Variants in ZNF891 observed in about 807,000 individuals in gnomAD.
ZNF891 encodes zinc finger protein 891.
For synonymous variants in ZNF891, 199 were observed against 209.0 expected (o/e 0.95, Z 0.41); for missense variants, 589 against 632.7 (o/e 0.93, Z 0.74).
intron 1 of ZNF891, 69 bp from the exon 2 acceptor site, chr12:133,122,093 G>A (rs1955769170): frequency 7.2e-7 from 1 of 1,387,768 alleles, no homozygotes; most frequent in Non-Finnish European, 9.3e-7. Flanking sequence ...GGGGAAAGGT[G>A]AATACAAAAT....
At position 133,120,962 on chromosome 12, in the gene ZNF891, TTTC is replaced by T. The variant is rs1417581281; in HGVS notation, c.954_956del (p.Lys319del). 1 of 1,535,904 alleles carries T rather than the reference TTTC, an allele frequency of 6.5e-7. No individual in the cohort carries two copies. Among genetic ancestry groups the T allele is most frequent in the African/African-American group, 1.4e-5 (1 of 73,178 alleles). ...CTTTTCCACATTGATTGCATTCATGTTTCTTTTCAGTATGAGTTTGTCCTTGTT... is the reference window on the plus strand; with the variant it reads ...CTTTTCCACATTGATTGCATTCATGTTTTTCAGTATGAGTTTGTCCTTGTT... On this transcript the variant is annotated inframe_deletion, in exon 2 of 2. Transcript: ENST00000537226.
At position 133,120,620 on chromosome 12, in the gene ZNF891, T is replaced by C; in HGVS notation, c.1299A>G (p.Glu433=). ...TGAAGGCTTTTCCACACTCACTGCA[T>C]TCATAGAGTTTTTCTCCAGTGTGTA... The part of the protein sequence containing the change: ...KRIHTGEKLY[E]CSECGKAFNT... Residue 433 remains glutamate (E), a synonymous_variant, in exon 2 of 2, where the codon GAA becomes GAG. Coordinates refer to ENST00000537226, the MANE Select transcript of ZNF891 (RefSeq NM_001277291.2). The C allele has an allele frequency of 6.4e-7, 1 of 1,560,212 alleles. No homozygotes were observed.
intron 1 of ZNF891, among the ~76,000 whole-genome samples, chr12:133,126,576 C>T (rs571963867): frequency 4.0e-4 from 60 of 150,924 alleles, no homozygotes; most frequent in African/African-American, 1.2e-3. Flanking sequence ...CTTTGGGAGC[C>T]GAGGTAGGCG....
Position 133,120,436 on chromosome 12 carries a change from T to C in ZNF891, c.1483A>G (p.Lys495Glu). Residue 495 changes from lysine to glutamate, a missense_variant, in exon 2 of 2, where the codon AAA (lysine) becomes GAA (glutamate). Physicochemically the swap from Lys to Glu is moderately conservative, Grantham distance 56. Coordinates refer to ENST00000537226, the MANE Select transcript of ZNF891 (RefSeq NM_001277291.2). ...AGGGAAGAGGAAACACTGAAGGCTT[T>C]CCTACATTCCTTACATTCATAGGGT... is the stretch of plus-strand genomic sequence containing the variant. ...EKPYECKECRKAFSVSSSLRR... is the reference protein window; with the variant it reads ...EKPYECKECREAFSVSSSLRR... 6.2e-7 allele frequency: 1 copy of C among 1,605,174 alleles called. No homozygotes were observed.
chr12:133,129,736 G>A (rs1955856444), intron 1 of ZNF891, among the ~76,000 whole-genome samples: 1 of 152,090 alleles, frequency 6.6e-6, no homozygotes, highest in Admixed American at 6.5e-5. Context: ...TGTGAGCATA[G>A]GTGAAGTCAA....
At chr12:133,127,016 G>A (rs1955824936) in intron 1 of ZNF891, among the ~76,000 whole-genome samples, 1 of 140,254 alleles carries the variant, frequency 7.1e-6, no homozygotes, top group Admixed American at 7.4e-5. Flanking sequence ...CCAAGCTGGA[G>A]TGCAGTGGCA....
chr12:133,115,146 C>G lies in ZNF891; in HGVS notation c.*5138G>C, dbSNP rs1955708307. On this transcript the variant is annotated 3_prime_UTR_variant, in exon 2 of 2. Coordinates refer to ENST00000537226, the MANE Select transcript of ZNF891 (RefSeq NM_001277291.2). ...GGGGGCGATGGCCTCACAATCCCAA[C>G]AATTTGGGAGGCTGAGGCAGGCGGA... 1 of 152,034 alleles carries G rather than the reference C, an allele frequency of 6.6e-6. No homozygotes were observed. The highest frequency in any genetic ancestry group is 2.4e-5 in the African/African-American group (1 of 41,398). The allele number at this position is 152,034 out of a possible 1,614,324, so 9.4% of individuals were successfully genotyped here. A position where few individuals can be genotyped will look rare whatever the true frequency, so the allele number is the denominator to read the frequency against.
Position 133,120,315 on chromosome 12 carries a change from T to G in ZNF891, c.1604A>C (p.Lys535Thr). 1 of 1,550,306 alleles carries G rather than the reference T, an allele frequency of 6.5e-7. No individual in the cohort carries two copies. Among genetic ancestry groups the G allele is most frequent in the Non-Finnish European group, 8.7e-7 (1 of 1,151,002 alleles). Residue 535 changes from lysine to threonine, a missense_variant, in exon 2 of 2, where the codon AAG becomes ACG. Physicochemically the swap from Lys to Thr is moderately conservative, Grantham distance 78 (BLOSUM62 -1). Transcript: ENST00000537226. ...GGTTTCTCTCTCAGTATGAATTCTC[T>G]TGTGTATAATAAGTGAAGAGCTCTG... is the stretch of plus-strand genomic sequence containing the variant. ...FSQSSSLIIH[K>T]RIHTERETL
At position 133,121,899 on chromosome 12, in the gene ZNF891, G is replaced by C. The variant is rs539429590; in HGVS notation, c.20C>G (p.Ser7Cys). MAVMDL[S>C]SPWALTKQDS... is the part of the protein sequence containing the mutation. ...CTGTTTAGTTAAAGCCCATGGGGAG[G>C]ATAGGTCCATAACTGCCATTTTATG... is the stretch of plus-strand genomic sequence containing the variant. The change falls in exon 2 of 2, where the codon TCC (serine) becomes TGC (cysteine). Residue 7 changes from serine (S) to cysteine (C), a missense_variant. Ser to Cys is a moderately radical substitution (Grantham distance 112). Transcript: ENST00000537226. The C allele has an allele frequency of 1.2e-5, 19 of 1,535,206 alleles. No individual in the cohort carries two copies. The highest frequency in any genetic ancestry group is 9.8e-5 in the Admixed American group (5 of 50,970).
Position 133,112,308 on chromosome 12 carries a change from A to G in ZNF891, c.*7976T>C, listed in dbSNP as rs1052282297. ...AACTTCGTATTTCAAGTTAAATGTTATTTTCTCATGGAGACCTTCTTTTTT... is the reference window on the plus strand; with the variant it reads ...AACTTCGTATTTCAAGTTAAATGTTGTTTTCTCATGGAGACCTTCTTTTTT... On this transcript the variant is annotated 3_prime_UTR_variant, in exon 2 of 2. Coordinates refer to ENST00000537226, the MANE Select transcript of ZNF891 (RefSeq NM_001277291.2). 4 of 148,348 alleles carry G rather than the reference A, an allele frequency of 2.7e-5. No homozygotes were observed. Among genetic ancestry groups the G allele is most frequent in the African/African-American group, 1.0e-4 (4 of 40,134 alleles). The allele number at this position is 148,348 out of a possible 1,614,324, so 9.2% of individuals were successfully genotyped here.
At chr12:133,126,969 CTTTTTTTTT>C (rs543463648) in intron 1 of ZNF891, among the ~76,000 whole-genome samples, 14 of 88,674 alleles carry the variant, frequency 1.6e-4, no homozygotes, top group Non-Finnish European at 2.3e-4. Context: ...TACAGGAAAA[CTTTTTTTTT>C]TTTTTTTTTT....
At chr12:133,122,171 G>A in intron 1 of ZNF891, 147 bp from the exon 2 acceptor site, 1 of 1,215,346 alleles carries the variant, frequency 8.2e-7, no homozygotes, top group Non-Finnish European at 1.0e-6. Flanking sequence ...GATTTGTACT[G>A]ACATGCAATA....
At chr12:133,123,124 A>G (rs1313569929) in intron 1 of ZNF891, among the ~76,000 whole-genome samples, 2 of 152,212 alleles carry the variant, frequency 1.3e-5, no homozygotes, top group African/African-American at 2.4e-5. Context: ...CTGTACATCA[A>G]TAGAACTCAG....
chr12:133,121,542 A>C lies in ZNF891; in HGVS notation c.377T>G (p.Val126Gly). 6.5e-7 allele frequency: 1 copy of C among 1,536,448 alleles called. No homozygotes were observed. Among genetic ancestry groups the C allele is most frequent in the Non-Finnish European group, 8.7e-7 (1 of 1,146,976 alleles). Residue 126 changes from valine to glycine, a missense_variant, in exon 2 of 2, where the codon GTG becomes GGG. Transcript: ENST00000537226. ...KIQPKTKEST[V>G]QKILWEEPSN... ...TGGTTCCTCCCACAAAATTTTCTGC[A>C]CAGTTGATTCTTTGGTTTTAGGTTG...
rs903320352 is a variant in ZNF891 at position 133,120,936 on chromosome 12, G to A, written c.983C>T (p.Ala328Val). The A allele has an allele frequency of 2.6e-6, 4 of 1,536,216 alleles. No individual in the cohort carries two copies. In the Admixed American group the frequency reaches 5.9e-5, roughly 23 times the overall value. Residue 328 changes from alanine to valine, a missense_variant, in exon 2 of 2, where the codon GCC (alanine) becomes GTC (valine). Transcript: ENST00000537226. ...KKHECNQCGK[A>V]FKRISNLTLY... is the part of the protein sequence containing the mutation. ...AGTAAGATTAGAAATCCTTTTGAAG[G>A]CTTTTCCACATTGATTGCATTCATG...
chr12:133,120,725 G>T lies in ZNF891; in HGVS notation c.1194C>A (p.His398Gln). Reference sequence around the variant, plus strand: ...TACATTCATAAGGTTTCTCTCCAGTGTGAGTTCTCATGTGAGCCTTAAGGG... The same window carrying T: ...TACATTCATAAGGTTTCTCTCCAGTTTGAGTTCTCATGTGAGCCTTAAGGG... ...KTSLKAHMRT[H>Q]TGEKPYECNQ... The change falls in exon 2 of 2, where the codon CAC becomes CAA. Residue 398 changes from histidine to glutamine, a missense_variant. By Grantham distance (24) the His-to-Gln change is conservative (BLOSUM62 0). Transcript: ENST00000537226. 6.4e-7 allele frequency: 1 copy of T among 1,567,614 alleles called. No homozygotes were observed. Among genetic ancestry groups the T allele is most frequent in the Non-Finnish European group, 8.6e-7 (1 of 1,157,058 alleles).
chr12:133,105,588 T>C lies in ZNF891; in HGVS notation c.*14696A>G, dbSNP rs1276923020. 6.2e-7 allele frequency: 1 copy of C among 1,614,190 alleles called. No homozygotes were observed. The highest frequency in any genetic ancestry group is 2.2e-5 in the East Asian group (1 of 44,880). On this transcript the variant is annotated 3_prime_UTR_variant, in exon 2 of 2. Coordinates refer to ENST00000537226, the MANE Select transcript of ZNF891 (RefSeq NM_001277291.2). ...GATGACTCATCCCAGTATTTGATCA[T>C]GGAAAGAATTCTAAGTCAAGGCCCT... is the stretch of plus-strand genomic sequence containing the variant.
rs1955649369 is a variant in ZNF891 at position 133,107,969 on chromosome 12, A to C, written c.*12315T>G. Reference sequence around the variant, plus strand: ...TTTTGTAAGAGGTGAAATTTATAAAAGTTTTAGCCCAAAAACACCTTATTT... The same window carrying C: ...TTTTGTAAGAGGTGAAATTTATAAACGTTTTAGCCCAAAAACACCTTATTT... On this transcript the variant is annotated 3_prime_UTR_variant, in exon 2 of 2. Transcript: ENST00000537226. The C allele has an allele frequency of 1.3e-5, 2 of 152,218 alleles. No individual in the cohort carries two copies. The highest frequency in any genetic ancestry group is 2.9e-5 in the Non-Finnish European group (2 of 68,028). The allele number at this position is 152,218 out of a possible 1,614,324, so 9.4% of individuals were successfully genotyped here. A position where few individuals can be genotyped will look rare whatever the true frequency, so the allele number is the denominator to read the frequency against.
In ZNF891 at chr12:133,119,700, G is replaced by A. The variant is rs1378217525; in HGVS notation, c.*584C>T. ...ACAGCTGTCATTTTCATGATCACAAGATAGCTCTTTCAGCAGCTTCAGGAA... is the reference window on the plus strand; with the variant it reads ...ACAGCTGTCATTTTCATGATCACAAAATAGCTCTTTCAGCAGCTTCAGGAA... On this transcript the variant is annotated 3_prime_UTR_variant, in exon 2 of 2. Transcript: ENST00000537226. 1 of 152,458 alleles carries A rather than the reference G, an allele frequency of 6.6e-6. No individual in the cohort carries two copies. The highest frequency in any genetic ancestry group is 1.5e-5 in the Non-Finnish European group (1 of 68,264). The allele number at this position is 152,458 out of a possible 1,614,324, so 9.4% of individuals were successfully genotyped here. A position where few individuals can be genotyped will look rare whatever the true frequency, so the allele number is the denominator to read the frequency against.
Sources: allele counts gnomAD v4.1 joint callset (sites outside exome capture counted in the v4.1 genomes callset), GRCh38; gene constraint gnomAD v4.1.1; transcripts MANE v1.5; gene names NCBI Gene and HGNC (gene_info 2026-07-23, HGNC 2026-07-21).